The following DTNA variants were observed in gnomAD, a reference collection of about 807,000 sequenced individuals.
DTNA encodes the protein dystrophin-related protein 3.
Under a neutral mutation model 100.7 loss-of-function variants are expected in DTNA, and 43 were observed. The observed-to-expected ratio is 0.43, with a 90% CI of 0.33 to 0.55. The LOEUF (loss-of-function observed/expected upper bound fraction) is 0.55. Among genes scored for constraint, DTNA ranks in the 20% least tolerant of loss-of-function variants. The pLI, the probability that DTNA is intolerant of heterozygous loss-of-function variation, is 0.04. For missense variants in DTNA, 798 were observed against 953.9 expected (o/e 0.84, Z 2.15); for synonymous variants, 349 against 347.9 (o/e 1.00, Z -0.04).
chr18:34,567,034 A>G (rs2047148002), intron 1 of DTNA, among the ~76,000 whole-genome samples: 1 of 152,214 alleles, frequency 6.6e-6, no homozygotes, highest in Non-Finnish European at 1.5e-5. Context: ...TATGTCGTCA[A>G]TATACCATCA....
At chr18:34,707,039 T>C (rs982591345), upstream of DTNA, among the ~76,000 whole-genome samples, 1 of 152,228 alleles carries the variant, frequency 6.6e-6, no homozygotes, top group Non-Finnish European at 1.5e-5. Context: ...GAAAATTGCA[T>C]TTTCAGAGGT....
At chr18:34,663,534 T>C (rs940569180) in intron 1 of DTNA, among the ~76,000 whole-genome samples, 6 of 152,218 alleles carry the variant, frequency 3.9e-5, no homozygotes, top group African/African-American at 1.4e-4. Context: ...TGAGGTGCGG[T>C]AGTTGTCTCC....
At chr18:34,827,510 G>T in intron 9 of DTNA, 83 bp from the exon 10 acceptor site, 5 of 1,296,138 alleles carry the variant, frequency 3.9e-6, no homozygotes, top group Non-Finnish European at 5.6e-6. Context: ...TTCCCATCCC[G>T]TTTCCTGGAG....
intron 5 of DTNA, 75 bp downstream of exon 5, chr18:34,806,379 A>T: frequency 8.5e-7 from 1 of 1,173,990 alleles, no homozygotes; most frequent in Non-Finnish European, 1.3e-6. Flanking sequence ...TCATTCCTCT[A>T]TGTCCCCTCC....
intron 1 of DTNA, among the ~76,000 whole-genome samples, chr18:34,613,165 T>C (rs1487266747): frequency 6.6e-6 from 1 of 152,178 alleles, no homozygotes; most frequent in African/African-American, 2.4e-5. Flanking sequence ...GATGTGGCTA[T>C]TATAATTGTT....
In DTNA at chr18:34,815,920, G is replaced by T. The variant is rs552069190; in HGVS notation, c.615G>T (p.Thr205=). 2 of 1,613,608 alleles carry T rather than the reference G, an allele frequency of 1.2e-6. No individual in the cohort carries two copies. The highest frequency in any genetic ancestry group is 1.7e-6 in the Non-Finnish European group (2 of 1,179,654). ...RSCFSQQKKV[T]LNGFLDTLMS... ...GTTTTTTTATGCAGAAAAAAGTCAC[G>T]TTAAATGGTTTCTTGGACACGCTTA... The change falls in exon 7 of 23, where the codon ACG becomes ACT. Residue 205 remains threonine, a synonymous_variant. Coordinates refer to ENST00000444659, the MANE Select transcript of DTNA (RefSeq NM_001386795.1).
chr18:34,503,857 C>G (rs1369175277), intron 1 of DTNA, among the ~76,000 whole-genome samples: 2 of 151,662 alleles, frequency 1.3e-5, no homozygotes, highest in Non-Finnish European at 1.5e-5. Flanking sequence ...GACAGAGTCT[C>G]GCTGTGTTGC....
chr18:34,575,617 T>G (rs2048038774), intron 1 of DTNA, among the ~76,000 whole-genome samples: 1 of 152,208 alleles, frequency 6.6e-6, no homozygotes, highest in Admixed American at 6.5e-5. Flanking sequence ...TCCATTTCCC[T>G]AAAGTTTGGA....
At chr18:34,832,291 A>G (rs2096031028) in intron 11 of DTNA, among the ~76,000 whole-genome samples, 1 of 152,240 alleles carries the variant, frequency 6.6e-6, no homozygotes, top group Non-Finnish European at 1.5e-5. Context: ...TGAAGTTGAA[A>G]TAATCACTCT....
intron 1 of DTNA, among the ~76,000 whole-genome samples, chr18:34,627,140 T>A (rs939383058): frequency 1.3e-5 from 2 of 150,480 alleles, no homozygotes; most frequent in African/African-American, 5.0e-5. Context: ...TACGGATGAG[T>A]CTGAGAGTCA....
chr18:34,884,438 T>G (rs1408992802), intron 21 of DTNA, among the ~76,000 whole-genome samples: 2 of 152,236 alleles, frequency 1.3e-5, no homozygotes, highest in African/African-American at 4.8e-5. Flanking sequence ...CTCCTTTCTT[T>G]TCCGTGCCTC....
At chr18:34,584,100 A>T (rs12963475) in intron 1 of DTNA, among the ~76,000 whole-genome samples, 1 of 152,104 alleles carries the variant, frequency 6.6e-6, no homozygotes, top group African/African-American at 2.4e-5. Flanking sequence ...CTTCCCAGGC[A>T]GAACATTGGA....
intron 1 of DTNA, among the ~76,000 whole-genome samples, chr18:34,671,407 GC>G (rs2076741109): frequency 6.6e-6 from 1 of 152,088 alleles, no homozygotes; most frequent in Non-Finnish European, 1.5e-5. Context: ...CCCTGCTTTG[GC>G]TCACAACAAG....
intron 1 of DTNA, among the ~76,000 whole-genome samples, chr18:34,578,056 G>C (rs2048282533): frequency 6.6e-6 from 1 of 151,524 alleles, no homozygotes; most frequent in Non-Finnish European, 1.5e-5. Flanking sequence ...GTTTTCCATA[G>C]TGGTTGTACT....
In DTNA at chr18:34,818,198, T is replaced by C. The variant is rs1661776969; in HGVS notation, c.744T>C (p.Ser248=). ...CGGTTGAGTGTTCCTACTGCCACAG[T>C]GAGAGTATGATGGGATTTCGCTACC... ...FHPVECSYCH[S]ESMMGFRYRC... is the part of the protein sequence containing the mutation. The change falls in exon 8 of 23, where the codon AGT becomes AGC. Residue 248 remains serine (S), a synonymous_variant. Transcript: ENST00000444659. The C allele has an allele frequency of 6.2e-7, 1 of 1,613,938 alleles. No individual in the cohort carries two copies.
chr18:34,742,723 CAG>C (rs1223742817), intron 1 of DTNA, among the ~76,000 whole-genome samples: 2 of 111,442 alleles, frequency 1.8e-5, no homozygotes, highest in Non-Finnish European at 3.8e-5. Context: ...TTCTTAAAAA[CAG>C]GGTAATATAG....
At chr18:34,592,271 T>C (rs1040064270) in intron 1 of DTNA, among the ~76,000 whole-genome samples, 5 of 151,994 alleles carry the variant, frequency 3.3e-5, no homozygotes, top group African/African-American at 1.2e-4. Flanking sequence ...CATAAAGAGG[T>C]TAGTTATTTT....
At chr18:34,573,789 T>A (rs2047835112) in intron 1 of DTNA, among the ~76,000 whole-genome samples, 1 of 152,232 alleles carries the variant, frequency 6.6e-6, no homozygotes, top group African/African-American at 2.4e-5. Context: ...GTACACTGGA[T>A]CTTTTGAACT....
intron 12 of DTNA, 32 bp downstream of exon 12, chr18:34,838,203 G>T (rs1215820477): frequency 6.2e-7 from 1 of 1,607,642 alleles, no homozygotes; most frequent in East Asian, 2.2e-5. Context: ...CTGGAACCCT[G>T]CATTAACTAA....
Sources: allele counts gnomAD v4.1 joint callset (sites outside exome capture counted in the v4.1 genomes callset), GRCh38; gene constraint gnomAD v4.1.1; transcripts MANE v1.5; gene names NCBI Gene and HGNC (gene_info 2026-07-23, HGNC 2026-07-21).